SUPT3H: variants seen among roughly 807,000 people sequenced by gnomAD.
SUPT3H encodes SPT3 homolog, SAGA and STAGA complex component, also known as transcription initiation protein SPT3 homolog.
Under a neutral mutation model 44.3 loss-of-function variants are expected in SUPT3H, and 44 were observed. The ratio of observed to expected loss-of-function variants is 0.99; its 90% confidence interval spans 0.78 to 1.28. The LOEUF (loss-of-function observed/expected upper bound fraction) is 1.28, where lower values mean the gene tolerates loss of function less well. Among genes scored for constraint, SUPT3H ranks in the 50% most tolerant of loss-of-function variants. The pLI is 0.00. For synonymous variants in SUPT3H, 124 were observed against 125.6 expected (o/e 0.99, Z 0.09); for missense variants, 380 against 387.1 (o/e 0.98, Z 0.15).
At chr6:45,099,698 T>C (rs2153567725) in intron 3 of SUPT3H, among the ~76,000 whole-genome samples, 1 of 152,220 alleles carries the variant, frequency 6.6e-6, no homozygotes, top group Non-Finnish European at 1.5e-5. Context: ...GCTATACCAG[T>C]GTCAATAAAT....
At chr6:45,369,211 T>C (rs1795639101) in intron 1 of SUPT3H, among the ~76,000 whole-genome samples, 2 of 152,046 alleles carry the variant, frequency 1.3e-5, no homozygotes, top group Non-Finnish European at 2.9e-5. Context: ...CAAATCAAAC[T>C]TTCACTATCT....
chr6:45,110,792 A>G (rs189319757), intron 2 of SUPT3H, among the ~76,000 whole-genome samples: 106 of 152,260 alleles, frequency 7.0e-4, no homozygotes, highest in Non-Finnish European at 3.5e-4. Context: ...TGATGTATCA[A>G]TTGACCTATT....
chr6:45,181,277 A>G (rs1355997921), intron 2 of SUPT3H, among the ~76,000 whole-genome samples: 5 of 141,376 alleles, frequency 3.5e-5, no homozygotes, highest in Non-Finnish European at 6.1e-5. Flanking sequence ...GGGACTGTAA[A>G]CTAGTTCAAC....
intron 3 of SUPT3H, among the ~76,000 whole-genome samples, chr6:45,105,241 T>G (rs540633962): frequency 6.6e-6 from 1 of 152,060 alleles, no homozygotes; most frequent in South Asian, 2.1e-4. Context: ...TCTCACAAAA[T>G]AACAGGAATA....
chr6:45,073,730 C>G (rs1462730328), intron 3 of SUPT3H, among the ~76,000 whole-genome samples: 7 of 151,924 alleles, frequency 4.6e-5, no homozygotes, highest in Admixed American at 3.9e-4. Flanking sequence ...TACTTAAGAT[C>G]TTTTGACTTG....
intron 6 of SUPT3H, among the ~76,000 whole-genome samples, chr6:44,991,575 A>T (rs994671009): frequency 6.6e-6 from 1 of 152,126 alleles, no homozygotes; most frequent in South Asian, 2.1e-4. Flanking sequence ...GCTGGAGTAC[A>T]GTGACACGAC....
intron 2 of SUPT3H, among the ~76,000 whole-genome samples, chr6:45,159,939 T>C (rs1808660882): frequency 6.6e-6 from 1 of 152,096 alleles, no homozygotes. Flanking sequence ...CACAACATAG[T>C]CCACAATCCC....
chr6:44,975,926 C>T (rs1441813021), intron 6 of SUPT3H, among the ~76,000 whole-genome samples: 4 of 152,096 alleles, frequency 2.6e-5, no homozygotes, highest in East Asian at 3.9e-4. Flanking sequence ...GAAAAATTCT[C>T]GAGGAAAAAT....
At chr6:45,007,869 C>G (rs889850488) in intron 5 of SUPT3H, among the ~76,000 whole-genome samples, 1 of 152,004 alleles carries the variant, frequency 6.6e-6, no homozygotes, top group African/African-American at 2.4e-5. Context: ...TCTAGGCAAC[C>G]ACTACTCTAC....
chr6:45,244,988 C>G (rs1028846781), intron 2 of SUPT3H, among the ~76,000 whole-genome samples: 1 of 152,024 alleles, frequency 6.6e-6, no homozygotes. Context: ...CCTAAAATTC[C>G]CATTTCATTA....
chr6:44,922,597 T>A (rs1387041438), intron 10 of SUPT3H, among the ~76,000 whole-genome samples: 1 of 152,194 alleles, frequency 6.6e-6, no homozygotes, highest in African/African-American at 2.4e-5. Flanking sequence ...AACACACTTA[T>A]GAATGTTAGA....
chr6:45,299,063 G>A (rs1187940917), intron 2 of SUPT3H, among the ~76,000 whole-genome samples: 2 of 152,016 alleles, frequency 1.3e-5, no homozygotes, highest in South Asian at 4.2e-4. Flanking sequence ...ATTACATGAA[G>A]TGCCCAGGAG....
chr6:45,347,344 C>T (rs1791096893), intron 2 of SUPT3H, among the ~76,000 whole-genome samples: 1 of 152,058 alleles, frequency 6.6e-6, no homozygotes, highest in East Asian at 1.9e-4. Flanking sequence ...AGATGTATTT[C>T]CTTCTTTCTC....
chr6:45,285,635 G>C (rs1779094547), intron 2 of SUPT3H, among the ~76,000 whole-genome samples: 1 of 152,112 alleles, frequency 6.6e-6, no homozygotes, highest in Non-Finnish European at 1.5e-5. Flanking sequence ...TCATGGGTAG[G>C]AAGAATTAAT....
chr6:45,165,129 G>T (rs1583951958), intron 2 of SUPT3H, among the ~76,000 whole-genome samples: 1 of 152,162 alleles, frequency 6.6e-6, no homozygotes, highest in African/African-American at 2.4e-5. Context: ...TTACTGCTAG[G>T]GGAAGAGCAA....
intron 2 of SUPT3H, among the ~76,000 whole-genome samples, chr6:45,278,271 A>G (rs1777357741): frequency 6.6e-6 from 1 of 152,192 alleles, no homozygotes; most frequent in Admixed American, 6.5e-5. Flanking sequence ...CTGCACATGT[A>G]TCCCAGAACT....
chr6:44,929,797 G>T (rs979479528), intron 10 of SUPT3H, among the ~76,000 whole-genome samples: 4 of 150,872 alleles, frequency 2.7e-5, no homozygotes, highest in Non-Finnish European at 5.9e-5. Flanking sequence ...GCAGCTTGAG[G>T]TATGTGGGAG....
intron 2 of SUPT3H, among the ~76,000 whole-genome samples, chr6:45,308,991 G>A (rs1783551637): frequency 6.7e-6 from 1 of 148,506 alleles, no homozygotes; most frequent in African/African-American, 2.5e-5. Flanking sequence ...AAAAAAAAAG[G>A]TGCACAATTT....
At chr6:45,303,486 T>C (rs1007167254) in intron 2 of SUPT3H, among the ~76,000 whole-genome samples, 4 of 151,946 alleles carry the variant, frequency 2.6e-5, no homozygotes, top group Admixed American at 2.0e-4. Context: ...CAAAAGAAGA[T>C]AGAGAAATGG....
Sources: gnomAD v4.1 joint callset for allele counts (sites outside exome capture counted in the v4.1 genomes callset) on GRCh38, gnomAD v4.1.1 for gene constraint, MANE v1.5 for transcripts, NCBI Gene and HGNC (gene_info 2026-07-23, HGNC 2026-07-21) for gene names.